MPPED2: variants seen among roughly 807,000 people sequenced by gnomAD.
MPPED2 encodes the protein metallophosphoesterase domain containing 2, also known as metallophosphoesterase MPPED2.
Under a neutral mutation model 33.0 loss-of-function variants are expected in MPPED2, and 5 were observed. That is an observed-to-expected ratio of 0.15 (90% CI 0.08 to 0.32). MPPED2 has a LOEUF of 0.32. Among genes scored for constraint, MPPED2 ranks in the 10% least tolerant of loss-of-function variants. MPPED2 has a pLI of 1.00. For synonymous variants in MPPED2, 136 were observed against 141.9 expected (o/e 0.96, Z 0.29); for missense variants, 275 against 372.1 (o/e 0.74, Z 2.15).
intron 4 of MPPED2, among the ~76,000 whole-genome samples, chr11:30,428,028 G>A (rs1948918420): frequency 6.6e-6 from 1 of 152,186 alleles, no homozygotes; most frequent in East Asian, 1.9e-4. Context: ...ATATTAAGGG[G>A]GTAGGGAAAT....
At chr11:30,528,095 C>G (rs1954302232) in intron 3 of MPPED2, among the ~76,000 whole-genome samples, 1 of 152,132 alleles carries the variant, frequency 6.6e-6, no homozygotes, top group Non-Finnish European at 1.5e-5. Flanking sequence ...CAATCCAATA[C>G]TCATGCTTGT....
At chr11:30,438,390 A>T (rs1271019318) in intron 4 of MPPED2, among the ~76,000 whole-genome samples, 1 of 152,248 alleles carries the variant, frequency 6.6e-6, no homozygotes, top group Non-Finnish European at 1.5e-5. Context: ...TATGAAGAAT[A>T]GGAATAAGAA....
chr11:30,586,275 A>G lies in MPPED2; in HGVS notation c.-355T>C, dbSNP rs1957468488. 1 of 153,278 alleles carries G rather than the reference A, an allele frequency of 6.5e-6. No individual in the cohort carries two copies. The highest frequency in any genetic ancestry group is 2.4e-5 in the African/African-American group (1 of 41,412). The allele number at this position is 153,278 out of a possible 1,614,324, so 9.5% of individuals were successfully genotyped here. ...GGGAGAAAGGACCCGAGCAGCCTCG[A>G]TCTGGGGAGAGAGCGAGCGAGGGGG... On this transcript the variant is annotated 5_prime_UTR_variant, in exon 1 of 7. Transcript: ENST00000358117. The surrounding 1 kb of genome is among the most constrained non-coding windows in gnomAD (Gnocchi z 4.8).
At chr11:30,524,602 G>A (rs1252417433) in intron 3 of MPPED2, among the ~76,000 whole-genome samples, 1 of 152,144 alleles carries the variant, frequency 6.6e-6, no homozygotes. Flanking sequence ...GGCTATAGTG[G>A]GTGATCAACA....
chr11:30,561,194 A>T (rs948705725), intron 2 of MPPED2, among the ~76,000 whole-genome samples: 8 of 152,196 alleles, frequency 5.3e-5, no homozygotes, highest in African/African-American at 1.7e-4. Flanking sequence ...TAATTTCTAC[A>T]GTGAAATAAA....
chr11:30,560,640 A>G (rs1005788615), intron 2 of MPPED2, among the ~76,000 whole-genome samples: 2 of 152,192 alleles, frequency 1.3e-5, no homozygotes, highest in African/African-American at 4.8e-5. Context: ...AAGCACCCTA[A>G]TACTAACTCA....
At position 30,579,320 on chromosome 11, in the gene MPPED2, A is replaced by G. The variant is rs1485624442; in HGVS notation, c.128+926T>C. Reference sequence around the variant, plus strand: ...TCTTCCAGGAGTGGTAAAAACAGTCAACAGAGCTCTAACCTCCTTTCTATC... The same window carrying G: ...TCTTCCAGGAGTGGTAAAAACAGTCGACAGAGCTCTAACCTCCTTTCTATC... On this transcript the variant is annotated intron_variant, in intron 2 of 6. Coordinates refer to ENST00000358117, the MANE Select transcript of MPPED2 (RefSeq NM_001584.3). 2.0e-5 allele frequency among the ~76,000 whole-genome samples: 3 copies of G among 152,314 alleles called. No individual in the cohort carries two copies. In the East Asian group the frequency reaches 5.8e-4, roughly 29 times the overall value.
intron 4 of MPPED2, among the ~76,000 whole-genome samples, chr11:30,455,452 A>T (rs1410915168): frequency 6.6e-6 from 1 of 152,238 alleles, no homozygotes; most frequent in Non-Finnish European, 1.5e-5. Flanking sequence ...TTTAAGAAAA[A>T]AGGCTGCCTT....
chr11:30,539,348 C>T (rs1416554945), intron 2 of MPPED2, among the ~76,000 whole-genome samples: 1 of 152,128 alleles, frequency 6.6e-6, no homozygotes, highest in Non-Finnish European at 1.5e-5. Flanking sequence ...GTCAAATATC[C>T]TAGCAAGTGA....
At chr11:30,561,262 C>A (rs2134719581) in intron 2 of MPPED2, among the ~76,000 whole-genome samples, 1 of 152,274 alleles carries the variant, frequency 6.6e-6, no homozygotes, top group Middle Eastern at 3.4e-3. Flanking sequence ...ATTTTATGAA[C>A]TTCTCTGCCT....
chr11:30,393,532 T>A (rs998929005), intron 6 of MPPED2, among the ~76,000 whole-genome samples: 1 of 152,154 alleles, frequency 6.6e-6, no homozygotes, highest in African/African-American at 2.4e-5. Context: ...CTTACCTGAG[T>A]ATGTATACCA....
At chr11:30,505,802 G>C (rs1373334212) in intron 3 of MPPED2, among the ~76,000 whole-genome samples, 1 of 152,182 alleles carries the variant, frequency 6.6e-6, no homozygotes, top group South Asian at 2.1e-4. Flanking sequence ...ATAAAGGAAA[G>C]AGTGTGGACT....
chr11:30,526,039 A>G (rs1325338303), intron 3 of MPPED2, among the ~76,000 whole-genome samples: 1 of 152,218 alleles, frequency 6.6e-6, no homozygotes, highest in Non-Finnish European at 1.5e-5. Flanking sequence ...TCTGTTATCA[A>G]AATTGAACTA....
chr11:30,386,011 C>T (rs1416804178), exon 7 of MPPED2: 2 of 152,062 alleles, frequency 1.3e-5, no homozygotes, highest in African/African-American at 2.4e-5. Flanking sequence ...TGTAGAGGGG[C>T]CAGGACCCCT....
intron 1 of MPPED2, among the ~76,000 whole-genome samples, chr11:30,580,833 A>G (rs1189286845): frequency 6.6e-6 from 1 of 152,344 alleles, no homozygotes; most frequent in African/African-American, 2.4e-5. Flanking sequence ...CTCCAAGTGA[A>G]GAATCTTCCA....
At chr11:30,454,667 T>C (rs148633719) in intron 4 of MPPED2, among the ~76,000 whole-genome samples, 2 of 152,194 alleles carry the variant, frequency 1.3e-5, no homozygotes, top group African/African-American at 2.4e-5. Context: ...AAATCCTGTA[T>C]CTGAAAAATG....
rs776621054 is a variant in MPPED2, at chr11:30,458,202, G to A, written c.536+37094C>T. Among the ~76,000 whole-genome samples the A allele has an allele frequency of 2.6e-4, 40 of 152,180 alleles. 1 individual carries two copies. Among genetic ancestry groups the A allele is most frequent in the Non-Finnish European group, 5.0e-4 (34 of 68,034 alleles). Reference sequence around the variant, plus strand: ...TATGCATGGAGAAAATGTTTTGAGGGTGGAAGAGAAAAAGTTAGAAAATAA... The same window carrying A: ...TATGCATGGAGAAAATGTTTTGAGGATGGAAGAGAAAAAGTTAGAAAATAA... On this transcript the variant is annotated intron_variant, in intron 4 of 6. Coordinates refer to ENST00000358117, the MANE Select transcript of MPPED2 (RefSeq NM_001584.3).
At chr11:30,529,237 T>G (rs1954373887) in intron 3 of MPPED2, among the ~76,000 whole-genome samples, 1 of 152,100 alleles carries the variant, frequency 6.6e-6, no homozygotes, top group South Asian at 2.1e-4. Context: ...GAGGATATTA[T>G]AAAAAGAAAC....
At chr11:30,584,947 A>G (rs569061074) in intron 1 of MPPED2, 1 of 152,312 alleles carries the variant, frequency 6.6e-6, no homozygotes, top group South Asian at 2.1e-4. Context: ...CAAATCAATT[A>G]TACATTTTTC....
Sources: gnomAD v4.1 joint callset for allele counts (sites outside exome capture counted in the v4.1 genomes callset) on GRCh38, gnomAD v4.1.1 for gene constraint, Gnocchi (gnomAD v3.1) non-coding constraint, MANE v1.5 for transcripts, NCBI Gene and HGNC (gene_info 2026-07-23, HGNC 2026-07-21) for gene names.